TBC1D5: variants seen among roughly 807,000 people sequenced by gnomAD.
The protein encoded by TBC1D5 is TBC1 domain family, member 5.
Under a neutral mutation model 100.3 loss-of-function variants are expected in TBC1D5, and 75 were observed. That is an observed-to-expected ratio of 0.75 (90% CI 0.62 to 0.91). The LOEUF is 0.91. Ranked by LOEUF, TBC1D5 falls within the 40% of genes least tolerant of loss-of-function variation. The pLI is 0.00. For missense variants in TBC1D5, 910 were observed against 942.4 expected, an observed-to-expected ratio of 0.97 and a Z score of 0.45; for synonymous variants, 323 against 325.6, an observed-to-expected ratio of 0.99 and a Z score of 0.09.
At chr3:17,540,263 C>T (rs2096336800) in intron 2 of TBC1D5, among the ~76,000 whole-genome samples, 1 of 152,142 alleles carries the variant, frequency 6.6e-6, no homozygotes, top group Non-Finnish European at 1.5e-5. Context: ...TTTGCAAATA[C>T]TTTCTCCATT....
chr3:17,269,128 C>A (rs934671745), intron 15 of TBC1D5, among the ~76,000 whole-genome samples: 2 of 152,054 alleles, frequency 1.3e-5, no homozygotes, highest in African/African-American at 4.8e-5. Context: ...AGCTGCAACA[C>A]CAGATGAATG....
intron 1 of TBC1D5, among the ~76,000 whole-genome samples, chr3:17,723,968 T>G (rs972833757): frequency 2.6e-5 from 4 of 152,170 alleles, no homozygotes; most frequent in African/African-American, 9.7e-5. Flanking sequence ...CATGTTCTCT[T>G]TAAAATCAGA....
At chr3:17,469,396 C>T (rs540856424) in intron 3 of TBC1D5, among the ~76,000 whole-genome samples, 2 of 152,166 alleles carry the variant, frequency 1.3e-5, no homozygotes, top group East Asian at 1.9e-4. Context: ...AAGATTCTTA[C>T]TCTGTTTCTA....
At chr3:17,157,365 A>C (rs2065673552) in exon 22 of TBC1D5, 1 of 152,292 alleles carries the variant, frequency 6.6e-6, no homozygotes, top group African/African-American at 2.4e-5. Flanking sequence ...CAGCTTTTAC[A>C]TCAAAGTGGT....
intron 21 of TBC1D5, among the ~76,000 whole-genome samples, chr3:17,165,338 A>AATT (rs1285644245): frequency 6.6e-6 from 1 of 152,272 alleles, no homozygotes; most frequent in East Asian, 1.9e-4. Flanking sequence ...TCAACTAAAA[A>AATT]ATTATGCTAA....
At chr3:17,692,986 T>C (rs770223261) in intron 1 of TBC1D5, among the ~76,000 whole-genome samples, 3 of 152,178 alleles carry the variant, frequency 2.0e-5, no homozygotes, top group African/African-American at 4.8e-5. Context: ...AAACATTACA[T>C]GGGCGGAGCC....
At chr3:17,287,495 T>A (rs183429922) in intron 15 of TBC1D5, among the ~76,000 whole-genome samples, 2 of 152,322 alleles carry the variant, frequency 1.3e-5, no homozygotes, top group South Asian at 2.1e-4. Context: ...AGAACAGTCA[T>A]GATGCCACTC....
At chr3:17,735,780 G>A (rs2076918948) in intron 1 of TBC1D5, among the ~76,000 whole-genome samples, 1 of 152,212 alleles carries the variant, frequency 6.6e-6, no homozygotes, top group African/African-American at 2.4e-5. Flanking sequence ...TGGATCTGGA[G>A]GGGTGGAAGT....
intron 4 of TBC1D5, among the ~76,000 whole-genome samples, chr3:17,421,648 A>ACAAGGGC (rs1229873304): frequency 3.3e-5 from 5 of 152,346 alleles, no homozygotes; most frequent in Admixed American, 3.3e-4. Context: ...TGTTTTCATG[A>ACAAGGGC]CAAGGGCCAA....
chr3:17,604,884 C>A (rs1234799577), intron 2 of TBC1D5, among the ~76,000 whole-genome samples: 5 of 152,122 alleles, frequency 3.3e-5, no homozygotes, highest in Non-Finnish European at 7.3e-5. Flanking sequence ...CCATGTTGGC[C>A]AGGCTGGACT....
intron 1 of TBC1D5, among the ~76,000 whole-genome samples, chr3:17,671,214 A>G (rs1009023646): frequency 3.9e-5 from 6 of 152,100 alleles, no homozygotes; most frequent in East Asian, 1.9e-4. Flanking sequence ...CATGTCAATC[A>G]AAGATGTACA....
At chr3:17,605,572 A>T (rs1279357215) in intron 2 of TBC1D5, among the ~76,000 whole-genome samples, 1 of 152,226 alleles carries the variant, frequency 6.6e-6, no homozygotes, top group African/African-American at 2.4e-5. Flanking sequence ...ACAAATATTT[A>T]AAAAGAGGAA....
chr3:17,729,368 CAG>C (rs2076376375), intron 1 of TBC1D5, among the ~76,000 whole-genome samples: 2 of 141,068 alleles, frequency 1.4e-5, no homozygotes, highest in Non-Finnish European at 3.1e-5. Context: ...AAAAAAAAAA[CAG>C]AACACAAAAC....
chr3:17,225,268 G>A (rs1307860610), intron 17 of TBC1D5, among the ~76,000 whole-genome samples: 18 of 151,402 alleles, frequency 1.2e-4, no homozygotes, highest in African/African-American at 2.4e-4. Context: ...GTGAAACCCC[G>A]TCTCTATTAA....
In TBC1D5 at chr3:17,706,128, G is replaced by A. The variant is rs2074125180; in HGVS notation, c.-101+33215C>T. 5 of 1,604,464 alleles carry A rather than the reference G, an allele frequency of 3.1e-6. No homozygotes were observed. The Admixed American group carries it at 6.8e-5, about 22-fold the overall frequency. On this transcript the variant is annotated intron_variant, in intron 1 of 21. Transcript: ENST00000253692. ...CTCGAAGGTGAAGTCCAGCAAGTCG[G>A]GCTTGAGGCAAAGGCTGCAGTTGAT...
At chr3:17,616,164 G>A (rs527907874) in intron 2 of TBC1D5, among the ~76,000 whole-genome samples, 8 of 152,292 alleles carry the variant, frequency 5.3e-5, no homozygotes, top group Non-Finnish European at 1.2e-4. Context: ...TCATTCAGGA[G>A]CAAATTGTTC....
chr3:17,582,531 G>A (rs191872576), intron 2 of TBC1D5, among the ~76,000 whole-genome samples: 534 of 152,060 alleles, frequency 3.5e-3, no homozygotes, highest in Non-Finnish European at 5.1e-3. Context: ...AGAAATCTCC[G>A]AAAGACATGC....
chr3:17,297,707 C>T (rs1202674461), intron 14 of TBC1D5, among the ~76,000 whole-genome samples: 1 of 151,962 alleles, frequency 6.6e-6, no homozygotes, highest in African/African-American at 2.4e-5. Context: ...CTCAGCCTTC[C>T]TAGTGGCTGG....
intron 18 of TBC1D5, among the ~76,000 whole-genome samples, chr3:17,187,831 T>C (rs1559375001): frequency 6.6e-6 from 1 of 152,122 alleles, no homozygotes; most frequent in Non-Finnish European, 1.5e-5. Context: ...CAGCCCAGAG[T>C]GGACCAAGGG....
Sources: allele counts gnomAD v4.1 joint callset (sites outside exome capture counted in the v4.1 genomes callset), GRCh38; gene constraint gnomAD v4.1.1; transcripts MANE v1.5; gene names NCBI Gene and HGNC (gene_info 2026-07-23, HGNC 2026-07-21).